The following ELF2 variants were observed in gnomAD, a reference collection of about 807,000 sequenced individuals.
ELF2 encodes the protein E74 like ETS transcription factor 2.
ELF2 carries 11 observed loss-of-function variants against 54.8 expected under a neutral mutation model. That is an observed-to-expected ratio of 0.20 (90% CI 0.13 to 0.33). The LOEUF is 0.33. Ranked by LOEUF, ELF2 falls within the 10% of genes least tolerant of loss-of-function variation. ELF2 has a pLI of 1.00. For missense variants in ELF2, 513 were observed against 703.0 expected (o/e 0.73, Z 3.06); for synonymous variants, 203 against 245.1 (o/e 0.83, Z 1.61).
chr4:139,144,631 TTAGC>T (rs1415880047), intron 1 of ELF2, among the ~76,000 whole-genome samples: 1 of 152,210 alleles, frequency 6.6e-6, no homozygotes, highest in Non-Finnish European at 1.5e-5. Context: ...AGCTTGGAAT[TTAGC>T]TAGCTGCTGC....
chr4:139,073,237 T>G (rs1425083414), intron 5 of ELF2, among the ~76,000 whole-genome samples: 1 of 152,228 alleles, frequency 6.6e-6, no homozygotes, highest in African/African-American at 2.4e-5. Flanking sequence ...TTTGTCTATC[T>G]ATAGTGGGTA....
chr4:139,151,385 A>G (rs1666698934), intron 1 of ELF2, among the ~76,000 whole-genome samples: 1 of 152,228 alleles, frequency 6.6e-6, no homozygotes, highest in South Asian at 2.1e-4. Flanking sequence ...AAACCAAAAC[A>G]AGGCTGAAAA....
At chr4:139,060,881 G>C (rs998173820) in intron 8 of ELF2, among the ~76,000 whole-genome samples, 1 of 152,096 alleles carries the variant, frequency 6.6e-6, no homozygotes, top group Non-Finnish European at 1.5e-5. Flanking sequence ...CTGGGGCCAA[G>C]GTCCTACAAA....
rs1295253175 is a variant in ELF2 at position 139,164,043 on chromosome 4, CA to C, written c.-252+12923del. ...GAAAGAGAAAGAGAAGGAAGGGAGG[CA>C]GGGGTGAGAGAGAAAGAGTGGGGGT... On this transcript the variant is annotated intron_variant, in intron 1 of 9. Coordinates refer to ENST00000686138, the MANE Select transcript of ELF2 (RefSeq NM_001331036.3). Among the ~76,000 whole-genome samples, 11 of 120,808 alleles carry C rather than the reference CA, an allele frequency of 9.1e-5. No individual in the cohort carries two copies. The Admixed American group carries it at 1.1e-3, about 12-fold the overall frequency. The allele number at this position is 120,808 out of a possible 152,430, so 79.3% of individuals were successfully genotyped here.
chr4:139,174,479 T>C (rs1201897256), intron 1 of ELF2, among the ~76,000 whole-genome samples: 1 of 152,064 alleles, frequency 6.6e-6, no homozygotes, highest in Non-Finnish European at 1.5e-5. Context: ...TTTTGGGGGA[T>C]GATTAAAATG....
intron 3 of ELF2, among the ~76,000 whole-genome samples, chr4:139,135,744 T>C (rs1381811214): frequency 1.3e-5 from 2 of 152,200 alleles, no homozygotes; most frequent in Non-Finnish European, 2.9e-5. Flanking sequence ...CTACCTGACA[T>C]GCTCATTAAG....
chr4:139,067,515 T>C (rs1296819692), intron 7 of ELF2, 169 bp downstream of exon 7: 1 of 610,952 alleles, frequency 1.6e-6, no homozygotes, highest in Admixed American at 2.9e-5. Context: ...GGCACAGATA[T>C]TTTGAAAAAG....
At chr4:139,087,455 TTTTTTG>T (rs546823996) in intron 4 of ELF2, among the ~76,000 whole-genome samples, 135 of 152,258 alleles carry the variant, frequency 8.9e-4, no homozygotes, top group South Asian at 6.4e-3. Context: ...ACAAACACGT[TTTTTTG>T]TTTTTGTTTT....
At chr4:139,107,589 T>C (rs1734543761) in intron 4 of ELF2, among the ~76,000 whole-genome samples, 2 of 151,892 alleles carry the variant, frequency 1.3e-5, no homozygotes, top group Non-Finnish European at 2.9e-5. Context: ...ATAACTATAG[T>C]TAAAAGAGAC....
intron 1 of ELF2, among the ~76,000 whole-genome samples, chr4:139,149,697 C>T (rs908336763): frequency 1.3e-5 from 2 of 151,976 alleles, no homozygotes; most frequent in African/African-American, 4.8e-5. Context: ...TAAATCTAAC[C>T]GAAAGGGTGT....
chr4:139,114,019 G>A (rs1051277716), intron 4 of ELF2, among the ~76,000 whole-genome samples: 4 of 152,096 alleles, frequency 2.6e-5, no homozygotes, highest in African/African-American at 9.6e-5. Flanking sequence ...ATTTTAACGA[G>A]CCCTTAAAGG....
In ELF2 at chr4:139,150,603, T is replaced by A. The variant is rs527566768; in HGVS notation, c.-251-11106A>T. Among the ~76,000 whole-genome samples the A allele has an allele frequency of 2.6e-4, 40 of 151,306 alleles. No homozygotes were observed. The East Asian group carries it at 5.4e-3, about 21-fold the overall frequency. On this transcript the variant is annotated intron_variant, in intron 1 of 9. Coordinates refer to ENST00000686138, the MANE Select transcript of ELF2 (RefSeq NM_001331036.3). ...CCTCAAGAACTGCTGTAGTCTATAC[T>A]AACTAGGCAATAAGGTAATGGTGTA...
At chr4:139,067,322 A>T (rs1728852578) in intron 7 of ELF2, 1 of 175,448 alleles carries the variant, frequency 5.7e-6, no homozygotes, top group Non-Finnish European at 1.2e-5. Flanking sequence ...AATTATTAGA[A>T]ACAAGGTTTA....
intron 4 of ELF2, among the ~76,000 whole-genome samples, chr4:139,093,014 G>T (rs1354461487): frequency 6.9e-6 from 1 of 144,068 alleles, no homozygotes; most frequent in African/African-American, 2.6e-5. Context: ...CGCCCAGGTT[G>T]GAGTGCAGTG....
chr4:139,107,563 T>C (rs1560818776), intron 4 of ELF2, among the ~76,000 whole-genome samples: 1 of 152,002 alleles, frequency 6.6e-6, no homozygotes, highest in Non-Finnish European at 1.5e-5. Context: ...CCAAGGGTAA[T>C]AACAATCAAC....
At chr4:139,151,530 G>A (rs996554058) in intron 1 of ELF2, among the ~76,000 whole-genome samples, 21 of 152,248 alleles carry the variant, frequency 1.4e-4, no homozygotes, top group African/African-American at 4.6e-4. Flanking sequence ...TAAATCTGAT[G>A]CGAGTTCTTG....
chr4:139,137,637 T>A lies in ELF2; in HGVS notation c.65A>T (p.Asn22Ile), dbSNP rs999343163. Residue 22 changes from asparagine to isoleucine, a missense_variant, in exon 3 of 10, where the codon AAT (asparagine) becomes ATT (isoleucine). Physicochemically the swap from Asn to Ile is moderately radical, Grantham distance 149. Coordinates refer to ENST00000686138, the MANE Select transcript of ELF2 (RefSeq NM_001331036.3). ...ATTCATTGAATGCCTAACCTCTTGA[T>A]TTTCTACTCCATTGCTGGAAAGCTC... Reference protein sequence around the residue: ...ILELSSNGVENQEESEKVSEY... With the variant: ...ILELSSNGVEIQEESEKVSEY... 6.2e-7 allele frequency: 1 copy of A among 1,613,968 alleles called. No homozygotes were observed. The highest frequency in any genetic ancestry group is 1.3e-5 in the African/African-American group (1 of 75,072).
chr4:139,097,784 C>G (rs747545081), intron 4 of ELF2, among the ~76,000 whole-genome samples: 3 of 151,990 alleles, frequency 2.0e-5, no homozygotes. Context: ...TACATCATGA[C>G]AAAATATTTT....
Position 139,071,981 on chromosome 4 carries a change from C to G in ELF2, c.411G>C (p.Arg137Ser). 1 of 1,613,904 alleles carries G rather than the reference C, an allele frequency of 6.2e-7. No individual in the cohort carries two copies. The highest frequency in any genetic ancestry group is 8.5e-7 in the Non-Finnish European group (1 of 1,179,974). Residue 137 changes from arginine to serine, a missense_variant, in exon 6 of 10, where the codon AGG becomes AGC. Coordinates refer to ENST00000686138, the MANE Select transcript of ELF2 (RefSeq NM_001331036.3). ...STPEFIHAAM[R>S]PDVITETVVE... The stretch of plus-strand genomic sequence containing the variant: ...CTACAGTTTCTGTAATGACATCTGG[C>G]CTCATAGCAGCATGGATGAATTCTG...
Sources: allele counts gnomAD v4.1 joint callset (sites outside exome capture counted in the v4.1 genomes callset), GRCh38; gene constraint gnomAD v4.1.1; transcripts MANE v1.5; gene names NCBI Gene and HGNC (gene_info 2026-07-23, HGNC 2026-07-21).